The following PC variants were observed in gnomAD, a reference collection of about 807,000 sequenced individuals.
PC encodes pyruvate carboxylase.
In PC, 46 loss-of-function variants were observed where a neutral mutation model predicts 107.8. The ratio of observed to expected loss-of-function variants is 0.43; its 90% confidence interval spans 0.34 to 0.55. PC has a LOEUF of 0.55. PC is among the 20% of genes least tolerant of loss of function. The probability of loss-of-function intolerance (pLI) is 0.04; values close to 1 mark genes in which losing one functional copy is unlikely to be tolerated. For missense variants in PC, 1,241 were observed against 1,643.1 expected, an observed-to-expected ratio of 0.76 and a Z score of 4.23; for synonymous variants, 662 against 684.7, an observed-to-expected ratio of 0.97 and a Z score of 0.52.
At chr11:66,953,971 A>G (rs1458943591) in intron 2 of PC, among the ~76,000 whole-genome samples, 1 of 152,212 alleles carries the variant, frequency 6.6e-6, no homozygotes, top group Non-Finnish European at 1.5e-5. Flanking sequence ...CAAGGCCGTC[A>G]CCACCACACA....
chr11:66,942,994 C>G (rs1949182910), intron 3 of PC, among the ~76,000 whole-genome samples: 1 of 149,520 alleles, frequency 6.7e-6, no homozygotes, highest in Non-Finnish European at 1.5e-5. Context: ...CCAGCCTGGG[C>G]AACGAGAGCG....
At chr11:66,876,201 T>C (rs1257318730) in intron 3 of PC, among the ~76,000 whole-genome samples, 3 of 152,198 alleles carry the variant, frequency 2.0e-5, no homozygotes, top group Non-Finnish European at 4.4e-5. Flanking sequence ...ATTGCGTTGA[T>C]ATCAATTTCC....
intron 3 of PC, among the ~76,000 whole-genome samples, chr11:66,928,001 C>T (rs554860785): frequency 1.1e-4 from 16 of 152,190 alleles, no homozygotes; most frequent in African/African-American, 3.6e-4. Flanking sequence ...TTGTTGGTTT[C>T]GGCCACAGAC....
chr11:66,856,185 G>C (rs942980553), intron 12 of PC, among the ~76,000 whole-genome samples: 12 of 152,358 alleles, frequency 7.9e-5, no homozygotes, highest in African/African-American at 2.9e-4. Context: ...AGCTGGTTCC[G>C]AGCCGCTCTT....
chr11:66,870,193 G>C lies in PC; in HGVS notation c.903+109C>G. On this transcript the variant is annotated intron_variant, in intron 9 of 22. Coordinates refer to ENST00000393960, the MANE Select transcript of PC (RefSeq NM_001040716.2). This position sits in a 1 kb window ranked among gnomAD's most constrained non-coding sequence, Gnocchi z 6.1. ...CTTCACCCTCTTCTCCCCATCCCCA[G>C]TCCCCAGAAGGGGACTCAGGGTCCC... 1 of 1,361,490 alleles carries C rather than the reference G, an allele frequency of 7.3e-7. No individual in the cohort carries two copies. The highest frequency in any genetic ancestry group is 1.0e-6 in the Non-Finnish European group (1 of 970,950). 84.3% of individuals were successfully genotyped at this position (1,361,490 alleles called of 1,614,324 possible). A position where few individuals can be genotyped will look rare whatever the true frequency, so the allele number is the denominator to read the frequency against.
chr11:66,865,300 A>G (rs1052828598), intron 11 of PC, among the ~76,000 whole-genome samples: 1 of 152,150 alleles, frequency 6.6e-6, no homozygotes, highest in African/African-American at 2.4e-5. Context: ...ACCGCCCCAC[A>G]CAAGCCCGGG....
chr11:66,873,418 AATATATTATAT>A (rs1429186885), intron 3 of PC, among the ~76,000 whole-genome samples: 2 of 90,978 alleles, frequency 2.2e-5, no homozygotes, highest in African/African-American at 9.2e-5. Context: ...AAATATATAT[AATATATTATAT>A]ATATTATATA....
Position 66,866,321 on chromosome 11 carries a change from C to G in PC, c.1051G>C (p.Val351Leu). 1 of 1,609,554 alleles carries G rather than the reference C, an allele frequency of 6.2e-7. No homozygotes were observed. The highest frequency in any genetic ancestry group is 1.1e-5 in the South Asian group (1 of 90,994). The change falls in exon 11 of 23, where the codon GTG becomes CTG. Residue 351 changes from valine (V) to leucine (L), a missense_variant. Transcript: ENST00000393960. The surrounding 1 kb of genome is among the most constrained non-coding windows in gnomAD (Gnocchi z 5.4). ...TCGGGTAGGCTCCTGCCCTCAGCCA[C>G]GTGGATCTGAGCATGGACCAGGTCT... Reference protein sequence around the residue: ...DVDLVHAQIHVAEGRSLPDLG... With the variant: ...DVDLVHAQIHLAEGRSLPDLG...
At chr11:66,906,725 C>G (rs985262099) in intron 3 of PC, among the ~76,000 whole-genome samples, 1 of 152,044 alleles carries the variant, frequency 6.6e-6, no homozygotes, top group Admixed American at 6.6e-5. Flanking sequence ...GAGCCTGGCC[C>G]GTTTGCAGTT....
intron 3 of PC, among the ~76,000 whole-genome samples, chr11:66,948,991 T>A (rs904342813): frequency 2.0e-5 from 3 of 151,494 alleles, no homozygotes; most frequent in Non-Finnish European, 2.9e-5. Context: ...TATTATTATT[T>A]ATTATTATTA....
At chr11:66,886,582 A>G (rs60651024) in intron 3 of PC, among the ~76,000 whole-genome samples, 5,591 of 152,234 alleles carry the variant, frequency 0.037, 191 homozygotes, top group African/African-American at 0.077. Flanking sequence ...GGTGGTGGGA[A>G]TAGGAATGAA....
At chr11:66,913,133 C>T (rs1300841321) in intron 3 of PC, among the ~76,000 whole-genome samples, 3 of 152,134 alleles carry the variant, frequency 2.0e-5, no homozygotes, top group Non-Finnish European at 4.4e-5. Flanking sequence ...GCCGCTTGGC[C>T]TGTGGCGCCA....
chr11:66,941,952 A>G (rs1340437789), intron 3 of PC, among the ~76,000 whole-genome samples: 1 of 152,188 alleles, frequency 6.6e-6, no homozygotes, highest in East Asian at 1.9e-4. Flanking sequence ...AAAATATAAA[A>G]TTAGCCGGGT....
At chr11:66,903,773 A>AAAAT (rs1555039098) in intron 3 of PC, among the ~76,000 whole-genome samples, 40 of 62,496 alleles carry the variant, frequency 6.4e-4, no homozygotes, top group African/African-American at 1.6e-3. Context: ...AAAAAAAAAA[A>AAAAT]ATATATATAT....
chr11:66,873,483 A>ATTATAT (rs1343033157), intron 3 of PC, among the ~76,000 whole-genome samples: 7 of 70,810 alleles, frequency 9.9e-5, no homozygotes, highest in Non-Finnish European at 1.8e-4. Context: ...TATAATATAT[A>ATTATAT]ATATTATATA....
At position 66,858,166 on chromosome 11, in the gene PC, A is replaced by G; in HGVS notation, c.1369-4783T>C. On this transcript the variant is annotated intron_variant, in intron 12 of 22. Coordinates refer to ENST00000393960, the MANE Select transcript of PC (RefSeq NM_001040716.2). This position sits in a 1 kb window ranked among gnomAD's most constrained non-coding sequence, Gnocchi z 5.9. ...GGCCGCATCGCGCCGGGAGCCTTCG[A>G]CGACTTCCTAGAGAGCCTGGAGGAC... 1 of 1,610,840 alleles carries G rather than the reference A, an allele frequency of 6.2e-7. No homozygotes were observed. The highest frequency in any genetic ancestry group is 8.5e-7 in the Non-Finnish European group (1 of 1,178,820).
At chr11:66,924,696 A>G (rs1057152532) in intron 3 of PC, among the ~76,000 whole-genome samples, 6 of 152,180 alleles carry the variant, frequency 3.9e-5, no homozygotes, top group Admixed American at 6.5e-5. Context: ...CCTCAGCTCA[A>G]GCAATCCACC....
intron 3 of PC, among the ~76,000 whole-genome samples, chr11:66,937,880 G>A (rs562441476): frequency 5.9e-4 from 90 of 151,448 alleles, no homozygotes; most frequent in Non-Finnish European, 1.1e-3. Context: ...AGGTTCAAGC[G>A]ATTCTCCTGC....
intron 3 of PC, among the ~76,000 whole-genome samples, chr11:66,921,268 T>G (rs904916713): frequency 6.6e-6 from 1 of 152,190 alleles, no homozygotes; most frequent in Non-Finnish European, 1.5e-5. Flanking sequence ...TTCAAACTCT[T>G]GGGTAGGATT....
Sources: gnomAD v4.1 joint callset for allele counts (sites outside exome capture counted in the v4.1 genomes callset) on GRCh38, gnomAD v4.1.1 for gene constraint, Gnocchi (gnomAD v3.1) non-coding constraint, MANE v1.5 for transcripts, NCBI Gene and HGNC (gene_info 2026-07-23, HGNC 2026-07-21) for gene names.